Variants in KLHL7 observed in about 807,000 individuals in gnomAD.
KLHL7 encodes the protein kelch-like protein 7.
KLHL7 carries 44 observed loss-of-function variants against 67.4 expected under a neutral mutation model. The ratio of observed to expected loss-of-function variants is 0.65; its 90% CI spans 0.51 to 0.84. The LOEUF (loss-of-function observed/expected upper bound fraction) is 0.84, where lower values mean the gene tolerates loss of function less well. Among genes scored for constraint, KLHL7 ranks in the 40% least tolerant of loss-of-function variants. KLHL7 has a pLI of 0.00. For synonymous variants in KLHL7, 252 were observed against 243.3 expected, an observed-to-expected ratio of 1.04 and a Z score of -0.33; for missense variants, 362 against 718.1, an observed-to-expected ratio of 0.50 and a Z score of 5.67.
intron 1 of KLHL7, among the ~76,000 whole-genome samples, chr7:23,120,569 A>T (rs1050633098): frequency 6.6e-6 from 1 of 151,688 alleles, no homozygotes; most frequent in African/African-American, 2.4e-5. Context: ...TCTAATATTT[A>T]TTATTATTAT....
At chr7:23,140,727 TA>T in intron 4 of KLHL7, 41 bp from the exon 5 acceptor site, 1 of 1,580,244 alleles carries the variant, frequency 6.3e-7, no homozygotes, top group Non-Finnish European at 8.7e-7. Context: ...TTGGTTTTTC[TA>T]AAAATGATTT....
rs1176591740 is a variant in KLHL7 at position 23,177,263 on chromosome 7, G to A, written c.*2965G>A. 6.6e-6 allele frequency: 1 copy of A among 152,126 alleles called. No individual in the cohort carries two copies. The highest frequency in any genetic ancestry group is 1.5e-5 in the Non-Finnish European group (1 of 68,024). The allele number at this position is 152,126 out of a possible 1,614,324, so 9.4% of individuals were successfully genotyped here. A position where few individuals can be genotyped will look rare whatever the true frequency, so the allele number is the denominator to read the frequency against. ...ATGTGGCTAGTTTAATTTTTTGAGA[G>A]TGAAATATCCATTTATTATATTACA... On this transcript the variant is annotated 3_prime_UTR_variant, in exon 11 of 11. Coordinates refer to ENST00000339077, the MANE Select transcript of KLHL7 (RefSeq NM_001031710.3).
chr7:23,145,784 A>G (rs1323554398), intron 6 of KLHL7, among the ~76,000 whole-genome samples: 1 of 152,194 alleles, frequency 6.6e-6, no homozygotes, highest in East Asian at 1.9e-4. Context: ...AGGCTGGAGT[A>G]CAGTGGTAAA....
chr7:23,138,461 T>TAAAA (rs60497553), intron 4 of KLHL7, among the ~76,000 whole-genome samples: 4 of 63,198 alleles, frequency 6.3e-5, no homozygotes, highest in Admixed American at 2.0e-4. Context: ...GACTCCATCT[T>TAAAA]AAAAAAAAAA....
intron 7 of KLHL7, among the ~76,000 whole-genome samples, chr7:23,157,791 GT>G (rs1784750680): frequency 6.6e-6 from 1 of 152,100 alleles, no homozygotes; most frequent in African/African-American, 2.4e-5. Context: ...AATATGACTG[GT>G]GCTGGGAGTC....
At chr7:23,151,987 T>C in intron 6 of KLHL7, 80 bp from the exon 7 acceptor site, 1 of 1,339,956 alleles carries the variant, frequency 7.5e-7, no homozygotes, top group Non-Finnish European at 1.1e-6. Flanking sequence ...ATAAAGGCCC[T>C]ATTATGTCTG....
chr7:23,137,931 C>T (rs1562569239), intron 4 of KLHL7, among the ~76,000 whole-genome samples: 2 of 150,880 alleles, frequency 1.3e-5, no homozygotes, highest in Non-Finnish European at 3.0e-5. Flanking sequence ...AATCCCAGCA[C>T]TTTGGGAGGC....
At chr7:23,156,922 T>TAAAAG (rs10678699) in intron 7 of KLHL7, among the ~76,000 whole-genome samples, 140,418 of 151,860 alleles carry the variant, frequency 0.92, 65,103 homozygotes, top group East Asian at 0.99. Context: ...AGGCTCTAAA[T>TAAAAG]AAAAGAAGAG....
At chr7:23,128,422 TAAAAAAAAAAAAAAA>T (rs201757686) in intron 4 of KLHL7, among the ~76,000 whole-genome samples, 60,760 of 118,212 alleles carry the variant, frequency 0.51, 14,987 homozygotes, top group African/African-American at 0.7. Context: ...TCTTTGGGTT[TAAAAAAAAAAAAAAA>T]AAAAAAAAAA....
intron 5 of KLHL7, among the ~76,000 whole-genome samples, chr7:23,142,312 T>C (rs921564564): frequency 1.5e-4 from 23 of 152,192 alleles, no homozygotes; most frequent in Admixed American, 1.5e-3. Flanking sequence ...AAAACTAATA[T>C]AGGTACTATA....
chr7:23,151,167 TTTTC>T (rs1784523732), intron 6 of KLHL7, among the ~76,000 whole-genome samples: 1 of 105,640 alleles, frequency 9.5e-6, no homozygotes. Context: ...GTTTTTTTTT[TTTTC>T]TTTTCTTTTT....
At chr7:23,150,511 C>G (rs1046879438) in intron 6 of KLHL7, among the ~76,000 whole-genome samples, 1 of 152,042 alleles carries the variant, frequency 6.6e-6, no homozygotes, top group Middle Eastern at 3.2e-3. Flanking sequence ...GGAGATCATT[C>G]CATGCGTACA....
chr7:23,128,270 C>T (rs546020752), intron 4 of KLHL7, among the ~76,000 whole-genome samples: 1 of 151,476 alleles, frequency 6.6e-6, no homozygotes, highest in South Asian at 2.1e-4. Flanking sequence ...AGGAAGTTGC[C>T]TCATGATACG....
At chr7:23,151,034 C>A (rs1007213336) in intron 6 of KLHL7, among the ~76,000 whole-genome samples, 1 of 151,410 alleles carries the variant, frequency 6.6e-6, no homozygotes. Context: ...TTTAATTCTG[C>A]CTTTTCTTTT....
chr7:23,117,709 G>C, intron 1 of KLHL7: 1 of 866,386 alleles, frequency 1.2e-6, no homozygotes, highest in Non-Finnish European at 1.7e-6. Context: ...GATTTCTAGA[G>C]AAGTCTTTTT....
chr7:23,144,285 G>A (rs1484044195), intron 6 of KLHL7, among the ~76,000 whole-genome samples: 3 of 152,112 alleles, frequency 2.0e-5, no homozygotes, highest in East Asian at 1.9e-4. Context: ...ACTTTCATGC[G>A]CTTTTGTTTC....
At chr7:23,112,753 C>A (rs1243593368) in intron 1 of KLHL7, among the ~76,000 whole-genome samples, 1 of 152,050 alleles carries the variant, frequency 6.6e-6, no homozygotes, top group Non-Finnish European at 1.5e-5. Flanking sequence ...GATGGGCAGA[C>A]AAATGGGAAT....
In KLHL7 at chr7:23,173,665, A is replaced by G. The variant is rs116825915; in HGVS notation, c.1478-350A>G. 5.8e-4 allele frequency among the ~76,000 whole-genome samples: 88 copies of G among 152,284 alleles called. 1 individual carries two copies. Among genetic ancestry groups the G allele is most frequent in the African/African-American group, 2.1e-3 (86 of 41,554 alleles). ...GTCCCTGTCCATTGCTATTTTCCAT[A>G]AAGTGCTAAAAGGAGGAAAAAGAAG... is the stretch of plus-strand genomic sequence containing the variant. On this transcript the variant is annotated intron_variant, in intron 10 of 10. Transcript: ENST00000339077.
Position 23,148,407 on chromosome 7 carries a change from AAAAC to A in KLHL7, c.794-3658_794-3655del, listed in dbSNP as rs551958533. ...GGTACAAGAAAATTAAAAAAAAAAA[AAAAC>A]AGCAGCCCCAAAGCTACTTGAACCA... is the stretch of plus-strand genomic sequence containing the variant. On this transcript the variant is annotated intron_variant, in intron 6 of 10. Transcript: ENST00000339077. Among the ~76,000 whole-genome samples the A allele has an allele frequency of 4.3e-3, 505 of 116,148 alleles. 5 individuals carry two copies. The highest frequency in any genetic ancestry group is 0.022 in the African/African-American group (466 of 20,940). The allele number at this position is 116,148 out of a possible 152,430, so 76.2% of individuals were successfully genotyped here. A position where few individuals can be genotyped will look rare whatever the true frequency, so the allele number is the denominator to read the frequency against.
Sources: allele counts gnomAD v4.1 joint callset (sites outside exome capture counted in the v4.1 genomes callset), GRCh38; gene constraint gnomAD v4.1.1; transcripts MANE v1.5; gene names NCBI Gene and HGNC (gene_info 2026-07-23, HGNC 2026-07-21).